The following PTCH2 variants were observed in gnomAD, a reference collection of about 807,000 sequenced individuals.
PTCH2 encodes protein patched homolog 2.
Under a neutral mutation model 117.9 loss-of-function variants are expected in PTCH2, and 96 were observed. The ratio of observed to expected loss-of-function variants is 0.81; its 90% confidence interval spans 0.69 to 0.96. The LOEUF is 0.96. PTCH2 is among the 50% of genes least tolerant of loss of function. PTCH2 has a pLI of 0.00. For missense variants in PTCH2, 1,379 were observed against 1,562.5 expected, an observed-to-expected ratio of 0.88 and a Z score of 1.98; for synonymous variants, 615 against 660.9, an observed-to-expected ratio of 0.93 and a Z score of 1.06.
downstream of PTCH2, chr1:44,819,948 CTTTA>C (rs1652837448): frequency 6.5e-6 from 1 of 153,446 alleles, no homozygotes; most frequent in Non-Finnish European, 1.5e-5. Context: ...CCACGGAAAT[CTTTA>C]GTAAAAGGCG....
rs1182616068 is a variant in PTCH2 at position 44,828,130 on chromosome 1, C to G, written c.1771G>C (p.Val591Leu). 6.2e-7 allele frequency: 1 copy of G among 1,614,060 alleles called. No individual in the cohort carries two copies. Among genetic ancestry groups the G allele is most frequent in the East Asian group, 2.2e-5 (1 of 44,884 alleles). The change falls in exon 14 of 22, where the codon GTG (valine) becomes CTG (leucine). Residue 591 changes from valine to leucine, a missense_variant. Val to Leu is a conservative substitution (Grantham distance 32). Coordinates refer to ENST00000372192, the MANE Select transcript of PTCH2 (RefSeq NM_003738.5). ...GTGGCAGTGAGGTGGGCAATGCCCA[C>G]TGGTACTGTCCCGTCCCCCAGCTCC... is the stretch of plus-strand genomic sequence containing the variant. ...PQELGDGTVPVGIAHLTATVQ... is the reference protein window; with the variant it reads ...PQELGDGTVPLGIAHLTATVQ...
rs2148876862 is a variant in PTCH2 at position 44,828,998 on chromosome 1, G to A, written c.1448C>T (p.Pro483Leu). 6.4e-7 allele frequency: 1 copy of A among 1,561,284 alleles called. No individual in the cohort carries two copies. Among genetic ancestry groups the A allele is most frequent in the South Asian group, 1.2e-5 (1 of 85,012 alleles). The change falls in exon 11 of 22, where the codon CCT (proline) becomes CTT (leucine). Residue 483 changes from proline (P) to leucine (L), a missense_variant. Pro to Leu is a moderately conservative substitution (Grantham distance 98, BLOSUM62 -3). Transcript: ENST00000372192. The part of the protein sequence containing the change: ...LLAHAFTEAL[P>L]GTPLQERMGE... ...AGGCCCCACCTGGAGAGGGGTGCCA[G>A]GCAGAGCCTCTGTGAAGGCATGCGC...
At chr1:44,820,279 C>T (rs1652861383), downstream of PTCH2, 1 of 459,082 alleles carries the variant, frequency 2.2e-6, no homozygotes, top group Admixed American at 2.4e-5. Flanking sequence ...CCTTTGCTCT[C>T]CTATGCTCCT....
At chr1:44,825,031 T>C (rs1653079941) in intron 19 of PTCH2, among the ~76,000 whole-genome samples, 1 of 152,242 alleles carries the variant, frequency 6.6e-6, no homozygotes, top group South Asian at 2.1e-4. Context: ...CATTTTCTCA[T>C]CTTCCATTCT....
At chr1:44,840,101 A>ATTTTT (rs1161806201) in intron 2 of PTCH2, among the ~76,000 whole-genome samples, 1 of 132,328 alleles carries the variant, frequency 7.6e-6, no homozygotes, top group Non-Finnish European at 1.6e-5. Flanking sequence ...TCATGCTGAA[A>ATTTTT]TTTTTTTTTT....
At chr1:44,840,100 A>AT (rs1653877181) in intron 2 of PTCH2, among the ~76,000 whole-genome samples, 1 of 143,168 alleles carries the variant, frequency 7.0e-6, no homozygotes, top group African/African-American at 2.9e-5. Flanking sequence ...GTCATGCTGA[A>AT]ATTTTTTTTT....
At position 44,823,528 on chromosome 1, in the gene PTCH2, A is replaced by G. The variant is rs1254685718; in HGVS notation, c.3115-143T>C. 3.5e-6 allele frequency: 4 copies of G among 1,140,720 alleles called. No homozygotes were observed. Among genetic ancestry groups the G allele is most frequent in the Non-Finnish European group, 5.2e-6 (4 of 773,140 alleles). The allele number at this position is 1,140,720 out of a possible 1,614,324, so 70.7% of individuals were successfully genotyped here. A position where few individuals can be genotyped will look rare whatever the true frequency, so the allele number is the denominator to read the frequency against. Reference sequence around the variant, plus strand: ...TGAACTAAGTTCATGGGAACTGTACAGGGAGCATGCGTGAGTCCTTTTAGG... The same window carrying G: ...TGAACTAAGTTCATGGGAACTGTACGGGGAGCATGCGTGAGTCCTTTTAGG... On this transcript the variant is annotated intron_variant, in intron 19 of 21. Transcript: ENST00000372192. The surrounding 1 kb of genome is among the most constrained non-coding windows in gnomAD (Gnocchi z 5.1).
At chr1:44,820,631 G>C, downstream of PTCH2, 1 of 708,248 alleles carries the variant, frequency 1.4e-6, no homozygotes, top group Non-Finnish European at 2.6e-6. Flanking sequence ...AATTCAGCCT[G>C]TCCAGACAGT....
Position 44,842,001 on chromosome 1 carries a change from A to AGG in PTCH2, c.110_111insCC (p.Ala38LeufsTer35), listed in dbSNP as rs1400016140. On this transcript the variant is annotated frameshift_variant, in exon 2 of 22. Coordinates refer to ENST00000372192, the MANE Select transcript of PTCH2 (RefSeq NM_003738.5). LOFTEE classifies it high-confidence loss of function. ...AGAAGAGCAGGCCCTGGAAGTAAGC[A>AGG]CGAAGCCAGAGTGGAGCCTTCAGGC... The AGG allele has an allele frequency of 3.7e-6, 6 of 1,614,024 alleles. No homozygotes were observed. Among genetic ancestry groups the AGG allele is most frequent in the Non-Finnish European group, 5.1e-6 (6 of 1,180,008 alleles).
chr1:44,830,176 T>A (rs1232987252), intron 6 of PTCH2, 146 bp from the exon 7 acceptor site: 1 of 1,154,192 alleles, frequency 8.7e-7, no homozygotes, highest in Non-Finnish European at 1.2e-6. Context: ...TTGACTGCTC[T>A]GCAGGAGTGA....
In PTCH2 at chr1:44,838,665, G is replaced by A. The variant is rs2148884207; in HGVS notation, c.265+3182C>T. Among the ~76,000 whole-genome samples, 2 of 152,278 alleles carry A rather than the reference G, an allele frequency of 1.3e-5. 1 individual carries two copies. On this transcript the variant is annotated intron_variant, in intron 2 of 21. Transcript: ENST00000372192. ...AAAGTTAAGGAGGACCCTGAACTCT[G>A]GTCTGGAACACTGTGATAGCCAATG...
intron 2 of PTCH2, among the ~76,000 whole-genome samples, chr1:44,840,038 T>A (rs1001100848): frequency 3.3e-5 from 5 of 151,822 alleles, no homozygotes; most frequent in African/African-American, 4.8e-5. Flanking sequence ...GACTGGAGTT[T>A]GACTCCTATC....
chr1:44,829,927 G>A lies in PTCH2; in HGVS notation c.917C>T (p.Pro306Leu). 4 of 1,614,082 alleles carry A rather than the reference G, an allele frequency of 2.5e-6. No homozygotes were observed. The highest frequency in any genetic ancestry group is 3.4e-6 in the Non-Finnish European group (4 of 1,180,000). The change falls in exon 7 of 22, where the codon CCC becomes CTC. Residue 306 changes from proline to leucine, a missense_variant. By Grantham distance (98) the Pro-to-Leu change is moderately conservative. Coordinates refer to ENST00000372192, the MANE Select transcript of PTCH2 (RefSeq NM_003738.5). ...ACCCTACCTCAGCAGCTCTCCTTGG[G>A]GGTCTCTGGCCATGCCTCCCAGCAG... is the stretch of plus-strand genomic sequence containing the variant. ...ELLLGGMARD[P>L]QGELLRAEAL...
At chr1:44,819,922 A>T (rs555010282), downstream of PTCH2, 1 of 153,284 alleles carries the variant, frequency 6.5e-6, no homozygotes, top group African/African-American at 2.4e-5. Context: ...TTGAATAAAA[A>T]CTCACAACTT....
chr1:44,820,549 C>A, downstream of PTCH2: 1 of 674,982 alleles, frequency 1.5e-6, no homozygotes, highest in South Asian at 1.6e-5. Flanking sequence ...GATATGGGGT[C>A]ACATCAAGGG....
downstream of PTCH2, chr1:44,820,850 G>T: frequency 1.7e-6 from 1 of 598,360 alleles, no homozygotes; most frequent in East Asian, 2.9e-5. Context: ...GCCCTTCTTG[G>T]TGACCCAAAC....
rs376750438 is a variant in PTCH2 at position 44,826,569 on chromosome 1, C to T, written c.2895G>A (p.Leu965=). 1 of 1,613,482 alleles carries T rather than the reference C, an allele frequency of 6.2e-7. No individual in the cohort carries two copies. The highest frequency in any genetic ancestry group is 8.5e-7 in the Non-Finnish European group (1 of 1,180,016). The part of the protein sequence containing the change: ...EQYLGLRRCF[L]LAVCILLVCT... ...ACACCAGCAGGATGCAGACGGCCAGCAGGAAGCAGCGCCGCAGGCCCAGAT... is the reference window on the plus strand; with the variant it reads ...ACACCAGCAGGATGCAGACGGCCAGTAGGAAGCAGCGCCGCAGGCCCAGAT... Residue 965 remains leucine (L), a synonymous_variant, in exon 18 of 22, where the codon CTG becomes CTA. Coordinates refer to ENST00000372192, the MANE Select transcript of PTCH2 (RefSeq NM_003738.5). The surrounding 1 kb of genome is among the most constrained non-coding windows in gnomAD (Gnocchi z 5.1).
intron 19 of PTCH2, among the ~76,000 whole-genome samples, chr1:44,824,628 G>T (rs1653064470): frequency 6.6e-6 from 1 of 152,002 alleles, no homozygotes; most frequent in Non-Finnish European, 1.5e-5. Context: ...CTCCTGAGTG[G>T]CTGAGACTAC....
At position 44,831,096 on chromosome 1, in the gene PTCH2, A is replaced by C; in HGVS notation, c.618-53T>G. On this transcript the variant is annotated intron_variant, in intron 5 of 21. Transcript: ENST00000372192. The surrounding 1 kb of genome is among the most constrained non-coding windows in gnomAD (Gnocchi z 4.3). The stretch of plus-strand genomic sequence containing the variant: ...GGTCAGGGACGAAAACCCAGGCTCC[A>C]AACTGCTGCTGGGGCGCCATGCTGT... 6.5e-7 allele frequency: 1 copy of C among 1,550,120 alleles called. No individual in the cohort carries two copies. The highest frequency in any genetic ancestry group is 2.3e-5 in the East Asian group (1 of 43,378).
Sources: gnomAD v4.1 joint callset for allele counts (sites outside exome capture counted in the v4.1 genomes callset) on GRCh38, gnomAD v4.1.1 for gene constraint, Gnocchi (gnomAD v3.1) non-coding constraint, MANE v1.5 for transcripts, NCBI Gene and HGNC (gene_info 2026-07-23, HGNC 2026-07-21) for gene names.